The following SERGEF variants were observed in gnomAD, a reference collection of about 807,000 sequenced individuals.
SERGEF encodes secretion-regulating guanine nucleotide exchange factor.
In SERGEF, 51 loss-of-function variants were observed where a neutral mutation model predicts 50.0. That is an observed-to-expected ratio of 1.02 (90% CI 0.81 to 1.29). The LOEUF (loss-of-function observed/expected upper bound fraction) is 1.29, where lower values mean the gene tolerates loss of function less well. SERGEF is among the 50% of genes most tolerant of loss of function. The probability of loss-of-function intolerance (pLI) is 0.00; values close to 1 mark genes in which losing one functional copy is unlikely to be tolerated. For synonymous variants in SERGEF, 205 were observed against 212.4 expected (o/e 0.97, Z 0.30); for missense variants, 521 against 557.0 (o/e 0.94, Z 0.65).
At chr11:17,872,668 A>C (rs2133893444) in intron 10 of SERGEF, among the ~76,000 whole-genome samples, 1 of 152,360 alleles carries the variant, frequency 6.6e-6, no homozygotes, top group Non-Finnish European at 1.5e-5. Context: ...CTCACATGAA[A>C]TAACATACAT....
At chr11:17,940,769 G>A (rs1484649539) in intron 9 of SERGEF, among the ~76,000 whole-genome samples, 1 of 152,062 alleles carries the variant, frequency 6.6e-6, no homozygotes, top group African/African-American at 2.4e-5. Context: ...CCTTTCTAGT[G>A]TTCCTTCAGT....
chr11:17,865,294 G>A (rs1388127123), intron 10 of SERGEF, among the ~76,000 whole-genome samples: 3 of 152,166 alleles, frequency 2.0e-5, no homozygotes, highest in Non-Finnish European at 4.4e-5. Context: ...TGTACAGTAT[G>A]TAATAATACT....
chr11:17,831,256 C>CA, intron 10 of SERGEF, among the ~76,000 whole-genome samples: 1 of 152,330 alleles, frequency 6.6e-6, no homozygotes, highest in Non-Finnish European at 1.5e-5. Flanking sequence ...GATTCTGATG[C>CA]AAGTGGTCTA....
intron 9 of SERGEF, among the ~76,000 whole-genome samples, chr11:17,931,299 A>C (rs1490254139): frequency 6.6e-6 from 1 of 152,168 alleles, no homozygotes; most frequent in African/African-American, 2.4e-5. Flanking sequence ...TCATACTACT[A>C]TCAGAAAGAA....
intron 8 of SERGEF, among the ~76,000 whole-genome samples, chr11:17,975,942 C>A (rs1188978012): frequency 2.0e-5 from 3 of 152,098 alleles, no homozygotes; most frequent in Non-Finnish European, 2.9e-5. Flanking sequence ...GCCTATGCAA[C>A]AAATATTTGT....
intron 9 of SERGEF, among the ~76,000 whole-genome samples, chr11:17,882,761 G>C (rs2133902373): frequency 6.6e-6 from 1 of 152,266 alleles, no homozygotes. Flanking sequence ...CAGTCCAATT[G>C]GAGACAGACC....
chr11:17,800,083 A>G (rs1363075648), intron 10 of SERGEF, among the ~76,000 whole-genome samples: 1 of 152,194 alleles, frequency 6.6e-6, no homozygotes. Flanking sequence ...CTTCTTGTCA[A>G]TAAAAATTAT....
chr11:18,005,601 G>A (rs1264560925), intron 3 of SERGEF, among the ~76,000 whole-genome samples: 1 of 152,154 alleles, frequency 6.6e-6, no homozygotes, highest in African/African-American at 2.4e-5. Flanking sequence ...CCTTGCCAAA[G>A]GACCGTGGCA....
chr11:17,947,205 A>C (rs531942802), intron 9 of SERGEF, among the ~76,000 whole-genome samples: 4 of 152,222 alleles, frequency 2.6e-5, no homozygotes, highest in Non-Finnish European at 5.9e-5. Context: ...TTACAGCCAC[A>C]ATCAAGATAT....
At chr11:17,966,033 C>A (rs1417360942) in intron 8 of SERGEF, among the ~76,000 whole-genome samples, 1 of 152,206 alleles carries the variant, frequency 6.6e-6, no homozygotes, top group Non-Finnish European at 1.5e-5. Context: ...TGGTTCCACA[C>A]AGCATTTCTA....
At chr11:17,857,764 T>C (rs1469621947) in intron 10 of SERGEF, among the ~76,000 whole-genome samples, 4 of 152,236 alleles carry the variant, frequency 2.6e-5, no homozygotes, top group African/African-American at 9.6e-5. Context: ...TCAGGGCCAC[T>C]GTGGGACCAC....
Position 17,925,911 on chromosome 11 carries a change from C to T in SERGEF, c.1011+33559G>A, listed in dbSNP as rs566762772. On this transcript the variant is annotated intron_variant, in intron 9 of 10. Coordinates refer to ENST00000265965, the MANE Select transcript of SERGEF (RefSeq NM_012139.4). Reference sequence around the variant, plus strand: ...AAATATGTAACATCTTGAGCCTCAGCTGCCTTACTATCAAATGAGTATAAT... The same window carrying T: ...AAATATGTAACATCTTGAGCCTCAGTTGCCTTACTATCAAATGAGTATAAT... 1.6e-4 allele frequency among the ~76,000 whole-genome samples: 25 copies of T among 152,310 alleles called. No individual in the cohort carries two copies. In the South Asian group the frequency reaches 3.7e-3, roughly 23 times the overall value.
At chr11:17,790,269 ATG>A (rs1849459624) in intron 10 of SERGEF, among the ~76,000 whole-genome samples, 1 of 152,048 alleles carries the variant, frequency 6.6e-6, no homozygotes, top group South Asian at 2.1e-4. Flanking sequence ...TTCTACATAG[ATG>A]TGTCCTTAAA....
intron 8 of SERGEF, among the ~76,000 whole-genome samples, chr11:17,977,095 C>T (rs538469833): frequency 6.6e-6 from 1 of 152,240 alleles, no homozygotes; most frequent in Non-Finnish European, 1.5e-5. Context: ...TCCAAAAGTT[C>T]TACCCATCCC....
chr11:17,890,919 A>G (rs778690651), intron 9 of SERGEF, among the ~76,000 whole-genome samples: 1 of 152,206 alleles, frequency 6.6e-6, no homozygotes, highest in Non-Finnish European at 1.5e-5. Flanking sequence ...CTGGCTAAAT[A>G]TAAGACAATT....
At chr11:17,879,859 T>C (rs1034103353) in intron 9 of SERGEF, among the ~76,000 whole-genome samples, 1 of 152,108 alleles carries the variant, frequency 6.6e-6, no homozygotes, top group African/African-American at 2.4e-5. Context: ...ATCTGTCAAT[T>C]AAAAAAATAA....
At chr11:17,926,651 A>G (rs1163743723) in intron 9 of SERGEF, 2 of 421,840 alleles carry the variant, frequency 4.7e-6, no homozygotes, top group Non-Finnish European at 9.5e-6. Context: ...TTTATGCCAG[A>G]GGTTCAGCAA....
At chr11:17,829,331 G>C (rs998692944) in intron 10 of SERGEF, among the ~76,000 whole-genome samples, 5 of 152,192 alleles carry the variant, frequency 3.3e-5, no homozygotes, top group Admixed American at 6.5e-5. Context: ...GATTCAGCAG[G>C]TCTTAGGTAG....
chr11:18,003,651 C>T (rs1487918804), intron 4 of SERGEF, among the ~76,000 whole-genome samples: 6 of 152,236 alleles, frequency 3.9e-5, no homozygotes, highest in African/African-American at 7.2e-5. Flanking sequence ...TGCAGTGAGC[C>T]GGGATCGCGC....
Sources: gnomAD v4.1 joint callset for allele counts (sites outside exome capture counted in the v4.1 genomes callset) on GRCh38, gnomAD v4.1.1 for gene constraint, MANE v1.5 for transcripts, NCBI Gene and HGNC (gene_info 2026-07-23, HGNC 2026-07-21) for gene names.